Variants in ALDH5A1 observed in about 807,000 individuals in gnomAD.
ALDH5A1 encodes the protein aldehyde dehydrogenase 5 family member A1, also known as succinate-semialdehyde dehydrogenase, mitochondrial.
Under a neutral mutation model 54.7 loss-of-function variants are expected in ALDH5A1, and 33 were observed. The observed-to-expected ratio is 0.60, with a 90% confidence interval of 0.46 to 0.81. The LOEUF (loss-of-function observed/expected upper bound fraction) is 0.81, where lower values mean the gene tolerates loss of function less well. ALDH5A1 is among the 30% of genes least tolerant of loss of function. ALDH5A1 has a pLI of 0.00. For missense variants in ALDH5A1, 657 were observed against 711.0 expected (o/e 0.92, Z 0.86); for synonymous variants, 294 against 292.7 (o/e 1.00, Z -0.05).
chr6:24,509,041 G>A lies in ALDH5A1; in HGVS notation c.726+4056G>A, dbSNP rs148753233. Among the ~76,000 whole-genome samples, 3,313 of 152,234 alleles carry A rather than the reference G, an allele frequency of 0.022. 125 individuals carry two copies. The highest frequency in any genetic ancestry group is 0.071 in the African/African-American group (2,932 of 41,514). ...GTCCTTTGTCAGATGTATAGATTGT[G>A]AAGACTTTCTCCTGCTCTGTGGGTT... On this transcript the variant is annotated intron_variant, in intron 4 of 9. Coordinates refer to ENST00000357578, the MANE Select transcript of ALDH5A1 (RefSeq NM_001080.3). The surrounding 1 kb of genome is among the most constrained non-coding windows in gnomAD (Gnocchi z 4.7).
Position 24,522,300 on chromosome 6 carries a change from T to C in ALDH5A1, c.1015-467T>C, listed in dbSNP as rs1006121422. 3.3e-5 allele frequency among the ~76,000 whole-genome samples: 5 copies of C among 152,160 alleles called. No individual in the cohort carries two copies. The South Asian group carries it at 6.2e-4, about 19-fold the overall frequency. On this transcript the variant is annotated intron_variant, in intron 6 of 9. Coordinates refer to ENST00000357578, the MANE Select transcript of ALDH5A1 (RefSeq NM_001080.3). ...CAGCCTGGGCGACAGAGCGAGACCC[T>C]GTGTCAGCAAAACAAAAGACTATAA...
At chr6:24,526,097 G>C (rs116507196) in intron 7 of ALDH5A1, among the ~76,000 whole-genome samples, 2,366 of 152,192 alleles carry the variant, frequency 0.016, 33 homozygotes, top group South Asian at 0.041. Flanking sequence ...ATAAACCCAA[G>C]CTTAAAACAG....
At chr6:24,501,299 C>A (rs940164955) in intron 1 of ALDH5A1, among the ~76,000 whole-genome samples, 6 of 152,118 alleles carry the variant, frequency 3.9e-5, no homozygotes, top group Non-Finnish European at 8.8e-5. Flanking sequence ...GCTTTTTGAA[C>A]TTTTCTTCCC....
intron 1 of ALDH5A1, among the ~76,000 whole-genome samples, chr6:24,499,860 C>T (rs138055105): frequency 0.021 from 3,119 of 152,142 alleles, 41 homozygotes; most frequent in African/African-American, 0.023. Context: ...GGGGTTTCAC[C>T]GTGTTAGCCA....
At chr6:24,533,370 G>A in intron 9 of ALDH5A1, 137 bp from the exon 10 acceptor site, 1 of 880,896 alleles carries the variant, frequency 1.1e-6, no homozygotes. Flanking sequence ...AGACCAACCT[G>A]GGACTTTATC....
In ALDH5A1 at chr6:24,503,274, G is replaced by A; in HGVS notation, c.450G>A (p.Leu150=). The change falls in exon 3 of 10, where the codon CTG becomes CTA. Residue 150 remains leucine (L), a synonymous_variant. Coordinates refer to ENST00000357578, the MANE Select transcript of ALDH5A1 (RefSeq NM_001080.3). ...RIITAESGKP[L]KEAHGEILYS... is the part of the protein sequence containing the mutation. ...CTGATTTAATTTAGGGAAAGCCACT[G>A]AAGGAGGCACATGGAGAAATTCTCT... is the stretch of plus-strand genomic sequence containing the variant. 6.2e-7 allele frequency: 1 copy of A among 1,613,912 alleles called. No individual in the cohort carries two copies. The highest frequency in any genetic ancestry group is 8.5e-7 in the Non-Finnish European group (1 of 1,180,010).
intron 1 of ALDH5A1, among the ~76,000 whole-genome samples, chr6:24,496,788 A>G (rs1304624845): frequency 6.6e-6 from 1 of 152,226 alleles, no homozygotes; most frequent in Non-Finnish European, 1.5e-5. Flanking sequence ...AACAGGAGTC[A>G]GATTGGATTG....
At chr6:24,501,536 A>G (rs1040154793) in intron 1 of ALDH5A1, among the ~76,000 whole-genome samples, 1 of 152,086 alleles carries the variant, frequency 6.6e-6, no homozygotes, top group African/African-American at 2.4e-5. Context: ...TAAAGTTGTA[A>G]CAGACACAGA....
intron 4 of ALDH5A1, among the ~76,000 whole-genome samples, chr6:24,506,255 T>A (rs966769990): frequency 2.2e-5 from 2 of 92,778 alleles, no homozygotes; most frequent in African/African-American, 7.1e-5. Context: ...TTTTTTTTTT[T>A]TTTTTTTTTT....
At chr6:24,530,006 A>T (rs921797020) in intron 8 of ALDH5A1, among the ~76,000 whole-genome samples, 1 of 152,064 alleles carries the variant, frequency 6.6e-6, no homozygotes, top group African/African-American at 2.4e-5. Flanking sequence ...AGTCCTGGAA[A>T]ATTTTTTGTC....
rs956147701 is a variant in ALDH5A1, at chr6:24,536,980, T to C, written c.*3268T>C. The C allele has an allele frequency of 2.6e-5, 4 of 152,676 alleles. No individual in the cohort carries two copies. Among genetic ancestry groups the C allele is most frequent in the Admixed American group, 6.5e-5 (1 of 15,286 alleles). 9.5% of individuals were successfully genotyped at this position (152,676 alleles called of 1,614,324 possible). Reference sequence around the variant, plus strand: ...GTTTTAATTACCTGTGTGCAGCTATTTTAAATAGCATTTTACTTGAATAAT... The same window carrying C: ...GTTTTAATTACCTGTGTGCAGCTATCTTAAATAGCATTTTACTTGAATAAT... On this transcript the variant is annotated 3_prime_UTR_variant, in exon 10 of 10. Coordinates refer to ENST00000357578, the MANE Select transcript of ALDH5A1 (RefSeq NM_001080.3).
chr6:24,498,043 A>C (rs906504623), intron 1 of ALDH5A1, among the ~76,000 whole-genome samples: 21 of 152,182 alleles, frequency 1.4e-4, no homozygotes, highest in Admixed American at 4.6e-4. Flanking sequence ...GGTAGAGCCC[A>C]CTGGATTTTC....
chr6:24,522,044 C>T lies in ALDH5A1; in HGVS notation c.1015-723C>T, dbSNP rs373097923. Among the ~76,000 whole-genome samples, 17 of 152,110 alleles carry T rather than the reference C, an allele frequency of 1.1e-4. No homozygotes were observed. In the East Asian group the frequency reaches 1.6e-3, roughly 14 times the overall value. On this transcript the variant is annotated intron_variant, in intron 6 of 9. Coordinates refer to ENST00000357578, the MANE Select transcript of ALDH5A1 (RefSeq NM_001080.3). ...CTATTTTTAGTAGAGATGGGTTTCACTATGTTGGCCAGGCTAGTCTCGAAC... is the reference window on the plus strand; with the variant it reads ...CTATTTTTAGTAGAGATGGGTTTCATTATGTTGGCCAGGCTAGTCTCGAAC...
intron 1 of ALDH5A1, among the ~76,000 whole-genome samples, chr6:24,497,024 G>GC (rs1382200277): frequency 6.6e-6 from 1 of 152,138 alleles, no homozygotes; most frequent in Non-Finnish European, 1.5e-5. Flanking sequence ...TAGGTTTGTG[G>GC]CCTCGCTGAC....
At position 24,536,958 on chromosome 6, in the gene ALDH5A1, T is replaced by G. The variant is rs1198583370; in HGVS notation, c.*3246T>G. The G allele has an allele frequency of 6.5e-6, 1 of 152,694 alleles. No individual in the cohort carries two copies. Among genetic ancestry groups the G allele is most frequent in the African/African-American group, 2.4e-5 (1 of 41,476 alleles). 9.5% of individuals were successfully genotyped at this position (152,694 alleles called of 1,614,324 possible). Reference sequence around the variant, plus strand: ...CCTCTAAAAACTGGATCCTAGTGTTTTAATTACCTGTGTGCAGCTATTTTA... The same window carrying G: ...CCTCTAAAAACTGGATCCTAGTGTTGTAATTACCTGTGTGCAGCTATTTTA... On this transcript the variant is annotated 3_prime_UTR_variant, in exon 10 of 10. Coordinates refer to ENST00000357578, the MANE Select transcript of ALDH5A1 (RefSeq NM_001080.3).
At chr6:24,516,050 T>C (rs1759563854) in intron 5 of ALDH5A1, among the ~76,000 whole-genome samples, 2 of 152,204 alleles carry the variant, frequency 1.3e-5, no homozygotes, top group Admixed American at 1.3e-4. Context: ...AAGGTCTTTT[T>C]CTTTGAGTTT....
intron 9 of ALDH5A1, 98 bp downstream of exon 9, chr6:24,532,275 A>C: frequency 8.4e-7 from 1 of 1,194,920 alleles, no homozygotes; most frequent in Non-Finnish European, 1.2e-6. Flanking sequence ...TTGAGACAGA[A>C]ACTTCAATGA....
chr6:24,521,517 A>C (rs1414422595), intron 6 of ALDH5A1, among the ~76,000 whole-genome samples: 1 of 152,266 alleles, frequency 6.6e-6, no homozygotes, highest in Admixed American at 6.5e-5. Context: ...TTCTAGAAAC[A>C]GAGTAAATAT....
intron 8 of ALDH5A1, 50 bp downstream of exon 8, chr6:24,528,216 A>G: frequency 2.5e-6 from 4 of 1,608,064 alleles, no homozygotes; most frequent in Non-Finnish European, 3.4e-6. Context: ...AGAAGAGAAC[A>G]TAGGAAACCC....
Sources: allele counts gnomAD v4.1 joint callset (sites outside exome capture counted in the v4.1 genomes callset), GRCh38; gene constraint gnomAD v4.1.1; non-coding constraint Gnocchi (gnomAD v3.1); transcripts MANE v1.5; gene names NCBI Gene and HGNC (gene_info 2026-07-23, HGNC 2026-07-21).